RAB3B: variants seen among roughly 807,000 people sequenced by gnomAD.
The protein encoded by RAB3B is ras-related protein Rab-3B.
RAB3B carries 11 observed loss-of-function variants against 20.5 expected under a neutral mutation model. The observed-to-expected ratio is 0.54, with a 90% CI of 0.34 to 0.89. The LOEUF is 0.89. Ranked by LOEUF, RAB3B falls within the 40% of genes least tolerant of loss-of-function variation. The pLI is 0.02. For synonymous variants in RAB3B, 99 were observed against 106.3 expected, an observed-to-expected ratio of 0.93 and a Z score of 0.42; for missense variants, 225 against 280.9, an observed-to-expected ratio of 0.80 and a Z score of 1.42.
At position 51,919,632 on chromosome 1, in the gene RAB3B, G is replaced by C. The variant is rs1433913823; in HGVS notation, c.*295C>G. The C allele has an allele frequency of 3.5e-6, 1 of 285,778 alleles. No homozygotes were observed. The highest frequency in any genetic ancestry group is 1.5e-4 in the South Asian group (1 of 6,716). 17.7% of individuals were successfully genotyped at this position (285,778 alleles called of 1,614,324 possible). The stretch of plus-strand genomic sequence containing the variant: ...GAACTCTCATTTTAAAGGCAGAAAA[G>C]AGACTGTTCTCTAAGTCCCTGTAGT... On this transcript the variant is annotated 3_prime_UTR_variant, in exon 5 of 5. Transcript: ENST00000371655.
At chr1:51,987,810 C>G (rs1685171054) in intron 1 of RAB3B, among the ~76,000 whole-genome samples, 1 of 152,156 alleles carries the variant, frequency 6.6e-6, no homozygotes, top group Non-Finnish European at 1.5e-5. Context: ...CCAGTGGAAC[C>G]CACCTAGACT....
At chr1:51,937,861 A>G (rs1480484475) in intron 2 of RAB3B, among the ~76,000 whole-genome samples, 1 of 152,108 alleles carries the variant, frequency 6.6e-6, no homozygotes, top group Non-Finnish European at 1.5e-5. Context: ...GATTAAAATG[A>G]TTTTTTAAAT....
intron 2 of RAB3B, among the ~76,000 whole-genome samples, chr1:51,958,724 C>A (rs201022382): frequency 6.2e-4 from 76 of 121,670 alleles, no homozygotes; most frequent in South Asian, 1.2e-3. Flanking sequence ...AACTCAGTCT[C>A]AAAAAAAAAA....
intron 2 of RAB3B, among the ~76,000 whole-genome samples, chr1:51,945,130 A>T (rs1398226544): frequency 6.6e-6 from 1 of 152,152 alleles, no homozygotes; most frequent in African/African-American, 2.4e-5. Context: ...ATTAACACTC[A>T]CTGAAGGCTC....
At chr1:51,967,325 T>A (rs547228576) in intron 2 of RAB3B, among the ~76,000 whole-genome samples, 25 of 150,860 alleles carry the variant, frequency 1.7e-4, no homozygotes, top group Non-Finnish European at 2.2e-4. Context: ...AAAAATAAAT[T>A]AATTAATTAA....
chr1:51,929,396 C>T (rs1684292727), intron 4 of RAB3B, among the ~76,000 whole-genome samples: 1 of 152,016 alleles, frequency 6.6e-6, no homozygotes, highest in South Asian at 2.1e-4. Context: ...GGGGCAATCT[C>T]AGCTCACTGT....
At chr1:51,975,438 C>T (rs1288977990) in intron 2 of RAB3B, among the ~76,000 whole-genome samples, 2 of 152,164 alleles carry the variant, frequency 1.3e-5, no homozygotes, top group Non-Finnish European at 2.9e-5. Flanking sequence ...TGATACTTTC[C>T]TCCCAATATC....
chr1:51,935,590 G>A (rs1341625910), intron 3 of RAB3B, among the ~76,000 whole-genome samples: 1 of 152,088 alleles, frequency 6.6e-6, no homozygotes, highest in Non-Finnish European at 1.5e-5. Context: ...GGTTATTCTT[G>A]GAGGAATCGT....
At chr1:51,939,929 A>G (rs1307378712) in intron 2 of RAB3B, among the ~76,000 whole-genome samples, 6 of 152,192 alleles carry the variant, frequency 3.9e-5, no homozygotes, top group African/African-American at 1.4e-4. Context: ...CAACTCCATC[A>G]ATGAAAGATT....
Position 51,912,120 on chromosome 1 carries a change from C to CT in RAB3B, c.*7806dup, listed in dbSNP as rs958329774. The CT allele has an allele frequency of 0.03, 4,011 of 131,766 alleles. 167 individuals are homozygous for CT. Among genetic ancestry groups the CT allele is most frequent in the African/African-American group, 0.078 (2,799 of 35,718 alleles). The allele number at this position is 131,766 out of a possible 1,614,324, so 8.2% of individuals were successfully genotyped here. A position where few individuals can be genotyped will look rare whatever the true frequency, so the allele number is the denominator to read the frequency against. ...TCTTCTTTTTTTTCTTTCTTTCTTT[C>CT]TTTTTTTTTTTTTTTTGAGAGGGGG... On this transcript the variant is annotated 3_prime_UTR_variant, in exon 5 of 5. Transcript: ENST00000371655.
At chr1:51,965,238 G>A (rs1028816815) in intron 2 of RAB3B, among the ~76,000 whole-genome samples, 39 of 149,546 alleles carry the variant, frequency 2.6e-4, no homozygotes, top group Non-Finnish European at 3.6e-4. Flanking sequence ...AAAAAGAAAC[G>A]AAAAAAAGAA....
rs572185023 is a variant in RAB3B, at chr1:51,982,402, G to A, written c.1-5285C>T. ...CATTCCAATCCAGGTGACACACTGA[G>A]CCTTCATCTCAAAAAAGGCCATACG... On this transcript the variant is annotated intron_variant, in intron 1 of 4. Coordinates refer to ENST00000371655, the MANE Select transcript of RAB3B (RefSeq NM_002867.4). 1.5e-4 allele frequency among the ~76,000 whole-genome samples: 23 copies of A among 152,198 alleles called. 1 individual carries two copies. The South Asian group carries it at 4.8e-3, about 32-fold the overall frequency.
At chr1:51,923,382 G>C (rs1336950195) in intron 4 of RAB3B, among the ~76,000 whole-genome samples, 1 of 152,106 alleles carries the variant, frequency 6.6e-6, no homozygotes, top group Non-Finnish European at 1.5e-5. Context: ...AGGAGAGGAG[G>C]AGGAAGCTTC....
At chr1:51,943,457 G>C (rs1285632436) in intron 2 of RAB3B, among the ~76,000 whole-genome samples, 1 of 152,108 alleles carries the variant, frequency 6.6e-6, no homozygotes, top group Non-Finnish European at 1.5e-5. Context: ...CAAGTGAAAG[G>C]ATGAGTTACA....
intron 2 of RAB3B, among the ~76,000 whole-genome samples, chr1:51,961,213 G>A (rs1270160076): frequency 2.0e-5 from 3 of 152,102 alleles, no homozygotes; most frequent in Admixed American, 6.6e-5. Flanking sequence ...CTATACACTG[G>A]TGTTGCTCAA....
At chr1:51,989,103 G>GCGCGCGCACACACACACACACACACA (rs377673682) in intron 1 of RAB3B, among the ~76,000 whole-genome samples, 3 of 132,676 alleles carry the variant, frequency 2.3e-5, no homozygotes, top group African/African-American at 8.4e-5. Context: ...CTGTGCGCGC[G>GCGCGCGCACACACACACACACACACA]CACACACACA....
intron 2 of RAB3B, among the ~76,000 whole-genome samples, chr1:51,943,099 A>T (rs2406085): frequency 0.33 from 50,227 of 151,784 alleles, 10,060 homozygotes; most frequent in East Asian, 0.8. Context: ...TAACCCTACA[A>T]TGGGCCCAGC....
At chr1:51,939,024 A>C (rs755824821) in intron 2 of RAB3B, among the ~76,000 whole-genome samples, 2 of 152,192 alleles carry the variant, frequency 1.3e-5, no homozygotes, top group Non-Finnish European at 2.9e-5. Flanking sequence ...GGAGAAATAA[A>C]CATTTTTTCA....
Position 51,908,079 on chromosome 1 carries a change from G to C in RAB3B, c.*11848C>G, listed in dbSNP as rs772806525. The C allele has an allele frequency of 6.6e-6, 1 of 152,142 alleles. No individual in the cohort carries two copies. Among genetic ancestry groups the C allele is most frequent in the Non-Finnish European group, 1.5e-5 (1 of 68,032 alleles). 9.4% of individuals were successfully genotyped at this position (152,142 alleles called of 1,614,324 possible). Reference sequence around the variant, plus strand: ...CAACACAGAACAAGGAAACACCATAGATATTTGTAAATGAGATCTTCTCTT... The same window carrying C: ...CAACACAGAACAAGGAAACACCATACATATTTGTAAATGAGATCTTCTCTT... On this transcript the variant is annotated 3_prime_UTR_variant, in exon 5 of 5. Transcript: ENST00000371655.
Sources: allele counts gnomAD v4.1 joint callset (sites outside exome capture counted in the v4.1 genomes callset), GRCh38; gene constraint gnomAD v4.1.1; transcripts MANE v1.5; gene names NCBI Gene and HGNC (gene_info 2026-07-23, HGNC 2026-07-21).